The following ZKSCAN1 variants were observed in gnomAD, a reference collection of about 807,000 sequenced individuals.
ZKSCAN1 encodes zinc finger protein with KRAB and SCAN domains 1.
A neutral mutation model predicts 51.6 loss-of-function variants in ZKSCAN1; 14 were observed. That is an observed-to-expected ratio of 0.27 (90% confidence interval 0.18 to 0.42). The LOEUF is 0.42. Among genes scored for constraint, ZKSCAN1 ranks in the 10% least tolerant of loss-of-function variants. The pLI is 1.00. For missense variants in ZKSCAN1, 531 were observed against 710.0 expected, an observed-to-expected ratio of 0.75 and a Z score of 2.86; for synonymous variants, 263 against 261.5, an observed-to-expected ratio of 1.01 and a Z score of -0.06.
At chr7:100,026,270 A>G (rs1214703360) in intron 3 of ZKSCAN1, among the ~76,000 whole-genome samples, 1 of 150,922 alleles carries the variant, frequency 6.6e-6, no homozygotes, top group Non-Finnish European at 1.5e-5. Context: ...ACCTGTATGG[A>G]ACACTTAACC....
intron 5 of ZKSCAN1, among the ~76,000 whole-genome samples, chr7:100,032,950 G>A (rs945770424): frequency 4.6e-5 from 7 of 151,706 alleles, no homozygotes; most frequent in South Asian, 4.1e-4. Flanking sequence ...GGAGCTTGCA[G>A]TGAGCCGAGA....
chr7:100,025,411 G>C (rs192296476), intron 3 of ZKSCAN1, among the ~76,000 whole-genome samples: 177 of 151,816 alleles, frequency 1.2e-3, no homozygotes, highest in African/African-American at 4.1e-3. Context: ...CTTTTGAGGG[G>C]AGTTGAGGAA....
At position 100,029,957 on chromosome 7, in the gene ZKSCAN1, G is replaced by T; in HGVS notation, c.672+5G>T. ...CTATTCACAGCGGATTCCCAGGTGA[G>T]CTGTGGCCCCTCTGCTCTCCTGAGT... On this transcript the variant is annotated splice_donor_5th_base_variant and intron_variant, in intron 4 of 5. Transcript: ENST00000324306. 2 of 1,614,072 alleles carry T rather than the reference G, an allele frequency of 1.2e-6. No individual in the cohort carries two copies. The highest frequency in any genetic ancestry group is 1.7e-6 in the Non-Finnish European group (2 of 1,179,966).
chr7:100,021,738 C>CTTT (rs34068163), intron 1 of ZKSCAN1, among the ~76,000 whole-genome samples: 147 of 134,264 alleles, frequency 1.1e-3, no homozygotes, highest in African/African-American at 3.9e-3. Context: ...CTATAAGAAT[C>CTTT]TTTTTTTTTT....
Position 100,038,540 on chromosome 7 carries a change from T to G in ZKSCAN1, c.*4343T>G. 4.1e-6 allele frequency: 4 copies of G among 985,468 alleles called. No individual in the cohort carries two copies. Among genetic ancestry groups the G allele is most frequent in the Non-Finnish European group, 3.6e-6 (3 of 829,968 alleles). 61.0% of individuals were successfully genotyped at this position (985,468 alleles called of 1,614,324 possible). On this transcript the variant is annotated 3_prime_UTR_variant, in exon 6 of 6. Coordinates refer to ENST00000324306, the MANE Select transcript of ZKSCAN1 (RefSeq NM_003439.4). ...GACCTCTGAGCTGTCAGGTGACCACTGTGTGCAAAGGGGATGGATTCTCTT... is the reference window on the plus strand; with the variant it reads ...GACCTCTGAGCTGTCAGGTGACCACGGTGTGCAAAGGGGATGGATTCTCTT...
chr7:100,044,746 A>G (rs960610086), downstream of ZKSCAN1: 4 of 970,464 alleles, frequency 4.1e-6, no homozygotes, highest in Non-Finnish European at 3.7e-6. Flanking sequence ...TAACTCCACC[A>G]TTCCACTTTC....
chr7:100,033,395 C>T lies in ZKSCAN1; in HGVS notation c.890C>T (p.Ser297Phe), dbSNP rs781226547. ...TCACGCGGGGAGACAACAGGAAGAT[C>T]CCAGAAAGAGTTTGGAGAGAAACGT... ...SASRGETTGR[S>F]QKEFGEKRDQ... is the part of the protein sequence containing the mutation. Residue 297 changes from serine to phenylalanine, a missense_variant, in exon 6 of 6, where the codon TCC becomes TTC. Physicochemically the swap from Ser to Phe is radical, Grantham distance 155 (BLOSUM62 -2). This residue lies in a region of ZKSCAN1 where 403 missense variants were observed against 490.5 expected (regional missense o/e 0.82). Transcript: ENST00000324306. This position sits in a 1 kb window ranked among gnomAD's most constrained non-coding sequence, Gnocchi z 4.1. The T allele has an allele frequency of 2.5e-6, 4 of 1,614,002 alleles. No individual in the cohort carries two copies. Among genetic ancestry groups the T allele is most frequent in the Non-Finnish European group, 3.4e-6 (4 of 1,180,012 alleles).
rs763302063 is a variant in ZKSCAN1 at position 100,037,952 on chromosome 7, G to A, written c.*3755G>A. The stretch of plus-strand genomic sequence containing the variant: ...GGAGAATGGCTTGAACCTGCGAGGC[G>A]GAGGTTGCAGTGAGCTAAGATCATG... On this transcript the variant is annotated 3_prime_UTR_variant, in exon 6 of 6. Coordinates refer to ENST00000324306, the MANE Select transcript of ZKSCAN1 (RefSeq NM_003439.4). 441 of 906,822 alleles carry A rather than the reference G, an allele frequency of 4.9e-4. No individual in the cohort carries two copies. The highest frequency in any genetic ancestry group is 5.5e-4 in the Non-Finnish European group (421 of 758,576). 56.2% of individuals were successfully genotyped at this position (906,822 alleles called of 1,614,324 possible).
intron 1 of ZKSCAN1, among the ~76,000 whole-genome samples, chr7:100,019,865 G>A (rs1010535515): frequency 1.3e-5 from 2 of 151,958 alleles, no homozygotes; most frequent in African/African-American, 4.8e-5. Context: ...ACCACACCTG[G>A]CTAATTTTTG....
chr7:100,017,876 T>C (rs1414516632), intron 1 of ZKSCAN1, among the ~76,000 whole-genome samples: 2 of 152,222 alleles, frequency 1.3e-5, no homozygotes, highest in African/African-American at 4.8e-5. Flanking sequence ...CAGCTTTCAC[T>C]ATTACAGGAG....
At position 100,036,491 on chromosome 7, in the gene ZKSCAN1, C is replaced by T. The variant is rs1791365859; in HGVS notation, c.*2294C>T. On this transcript the variant is annotated 3_prime_UTR_variant, in exon 6 of 6. Coordinates refer to ENST00000324306, the MANE Select transcript of ZKSCAN1 (RefSeq NM_003439.4). ...CAGCACTTTGGGAGGCCGAGGTGAGCGGATCACCTGAGGTCAGGAGTTTTG... is the reference window on the plus strand; with the variant it reads ...CAGCACTTTGGGAGGCCGAGGTGAGTGGATCACCTGAGGTCAGGAGTTTTG... The T allele has an allele frequency of 4.1e-6, 4 of 965,788 alleles. No individual in the cohort carries two copies. Among genetic ancestry groups the T allele is most frequent in the Non-Finnish European group, 3.7e-6 (3 of 812,200 alleles). 59.8% of individuals were successfully genotyped at this position (965,788 alleles called of 1,614,324 possible).
At chr7:100,026,423 T>A (rs1213370394) in intron 3 of ZKSCAN1, among the ~76,000 whole-genome samples, 3 of 151,882 alleles carry the variant, frequency 2.0e-5, no homozygotes, top group African/African-American at 7.3e-5. Context: ...ATCTTTAAAA[T>A]TTTTGTTTCT....
chr7:100,021,984 C>T (rs1203365435), intron 1 of ZKSCAN1, among the ~76,000 whole-genome samples: 4 of 151,988 alleles, frequency 2.6e-5, no homozygotes, highest in African/African-American at 9.7e-5. Flanking sequence ...CTTCAAGCAT[C>T]CTCCTGCCTC....
In ZKSCAN1 at chr7:100,039,315, GA is replaced by G. The variant is rs11338572; in HGVS notation, c.*5130del. On this transcript the variant is annotated 3_prime_UTR_variant, in exon 6 of 6. Coordinates refer to ENST00000324306, the MANE Select transcript of ZKSCAN1 (RefSeq NM_003439.4). ...TAACAGAGACTCTGTCTCAAAAAAA[GA>G]AAAAAAAAAAAGAAAGAAAGAAAGA... The G allele has an allele frequency of 0.75, 655,907 of 876,598 alleles. 231,059 individuals carry two copies. The highest frequency in any genetic ancestry group is 0.91 in the African/African-American group (48,977 of 53,666). 54.3% of individuals were successfully genotyped at this position (876,598 alleles called of 1,614,324 possible).
In ZKSCAN1 at chr7:100,033,896, A is replaced by G; in HGVS notation, c.1391A>G (p.Asn464Ser). 6 of 1,614,122 alleles carry G rather than the reference A, an allele frequency of 3.7e-6. No individual in the cohort carries two copies. The highest frequency in any genetic ancestry group is 5.1e-6 in the Non-Finnish European group (6 of 1,180,028). ...IHSGEKPYEC[N>S]ECGKAFSQSS... Reference sequence around the variant, plus strand: ...TCTGGAGAGAAACCTTATGAATGTAATGAGTGCGGGAAGGCCTTCAGCCAG... The same window carrying G: ...TCTGGAGAGAAACCTTATGAATGTAGTGAGTGCGGGAAGGCCTTCAGCCAG... The change falls in exon 6 of 6, where the codon AAT (asparagine) becomes AGT (serine). Residue 464 changes from asparagine to serine, a missense_variant. Asn to Ser is a conservative substitution (Grantham distance 46, BLOSUM62 1). Transcript: ENST00000324306. This position sits in a 1 kb window ranked among gnomAD's most constrained non-coding sequence, Gnocchi z 4.1.
intron 1 of ZKSCAN1, chr7:100,019,182 G>A (rs1303586312): frequency 6.6e-6 from 1 of 152,128 alleles, no homozygotes; most frequent in East Asian, 1.9e-4. Context: ...TGAAAACTGG[G>A]TGGTAGATAA....
rs1368932188 is a variant in ZKSCAN1, at chr7:100,039,351, A to G, written c.*5154A>G. 4 of 985,156 alleles carry G rather than the reference A, an allele frequency of 4.1e-6. No individual in the cohort carries two copies. The highest frequency in any genetic ancestry group is 2.3e-4 in the East Asian group (2 of 8,834). 61.0% of individuals were successfully genotyped at this position (985,156 alleles called of 1,614,324 possible). A position where few individuals can be genotyped will look rare whatever the true frequency, so the allele number is the denominator to read the frequency against. On this transcript the variant is annotated 3_prime_UTR_variant, in exon 6 of 6. Coordinates refer to ENST00000324306, the MANE Select transcript of ZKSCAN1 (RefSeq NM_003439.4). ...AAGAAAGAAAGAAAGAAAATTGGGGATAGGAGAACAGCAAGGTGGGCATTT... is the reference window on the plus strand; with the variant it reads ...AAGAAAGAAAGAAAGAAAATTGGGGGTAGGAGAACAGCAAGGTGGGCATTT...
chr7:100,036,051 G>A lies in ZKSCAN1; in HGVS notation c.*1854G>A. Reference sequence around the variant, plus strand: ...CTTATACTAAAACTATTACTCATCAGTCATTCACTGATCAGCAGCTAAAGT... The same window carrying A: ...CTTATACTAAAACTATTACTCATCAATCATTCACTGATCAGCAGCTAAAGT... On this transcript the variant is annotated 3_prime_UTR_variant, in exon 6 of 6. Transcript: ENST00000324306. 1.0e-6 allele frequency: 1 copy of A among 985,418 alleles called. No individual in the cohort carries two copies. Among genetic ancestry groups the A allele is most frequent in the Non-Finnish European group, 1.2e-6 (1 of 829,936 alleles). 61.0% of individuals were successfully genotyped at this position (985,418 alleles called of 1,614,324 possible).
At chr7:100,030,940 G>A (rs1791079065) in intron 5 of ZKSCAN1, among the ~76,000 whole-genome samples, 1 of 152,158 alleles carries the variant, frequency 6.6e-6, no homozygotes, top group African/African-American at 2.4e-5. Context: ...AAACTTAATG[G>A]TGATTTTCTA....
Sources: allele counts gnomAD v4.1 joint callset (sites outside exome capture counted in the v4.1 genomes callset), GRCh38; gene constraint gnomAD v4.1.1; regional missense constraint gnomAD v4.1.1; non-coding constraint Gnocchi (gnomAD v3.1); transcripts MANE v1.5; gene names NCBI Gene and HGNC (gene_info 2026-07-23, HGNC 2026-07-21).